Variants in ENTPD1 observed in about 807,000 individuals in gnomAD.
The protein encoded by ENTPD1 is ATP diphosphohydrolase.
ENTPD1 carries 33 observed loss-of-function variants against 57.0 expected under a neutral mutation model. That is an observed-to-expected ratio of 0.58 (90% CI 0.44 to 0.77). The LOEUF is 0.77. Ranked by LOEUF, ENTPD1 falls within the 30% of genes least tolerant of loss-of-function variation. The pLI, the probability that ENTPD1 is intolerant of heterozygous loss-of-function variation, is 0.00. For missense variants in ENTPD1, 501 were observed against 603.4 expected (o/e 0.83, Z 1.78); for synonymous variants, 202 against 218.8 (o/e 0.92, Z 0.68).
At chr10:95,825,625 T>C (rs2098372289) in intron 2 of ENTPD1, among the ~76,000 whole-genome samples, 1 of 152,252 alleles carries the variant, frequency 6.6e-6, no homozygotes, top group Non-Finnish European at 1.5e-5. Flanking sequence ...TCGCCCAGGC[T>C]GGAGTGCAGT....
chr10:95,703,250 C>A, the ENTPD1 span, among the ~76,000 whole-genome samples: 1 of 152,014 alleles, frequency 6.6e-6, no homozygotes, highest in Non-Finnish European at 1.5e-5. Flanking sequence ...ACTAACAGAC[C>A]CACACAAAGA....
intron 1 of ENTPD1, among the ~76,000 whole-genome samples, chr10:95,806,679 G>A (rs190214864): frequency 6.6e-6 from 1 of 152,108 alleles, no homozygotes; most frequent in Non-Finnish European, 1.5e-5. Context: ...TCTGGTGTAG[G>A]TGTCCTTTTT....
Position 95,743,984 on chromosome 10 carries a change from A to T in ENTPD1, c.37+31991A>T, listed in dbSNP as rs955357347. On this transcript the variant is annotated intron_variant, in intron 1 of 9. Transcript: ENST00000453258. ...CTGCTGACAGAGCAAGAAAATATAG[A>T]TGTATTTTAAACCATATATATATAT... Among the ~76,000 whole-genome samples the T allele has an allele frequency of 2.3e-5, 3 of 132,084 alleles. No homozygotes were observed. In the South Asian group the frequency reaches 7.3e-4, roughly 32 times the overall value. 86.7% of individuals were successfully genotyped at this position (132,084 alleles called of 152,430 possible).
upstream of ENTPD1, chr10:95,755,549 C>T: frequency 1.5e-6 from 1 of 672,432 alleles, no homozygotes; most frequent in South Asian, 1.9e-5. Context: ...TTCATCAATT[C>T]ATAGCCAGGC....
chr10:95,792,468 AT>A (rs1442181372), intron 1 of ENTPD1, among the ~76,000 whole-genome samples: 1 of 152,224 alleles, frequency 6.6e-6, no homozygotes, highest in Non-Finnish European at 1.5e-5. Context: ...TAGATTGGAC[AT>A]TTCAAAGTTA....
chr10:95,829,804 A>G (rs960044175), intron 2 of ENTPD1, among the ~76,000 whole-genome samples: 1 of 152,072 alleles, frequency 6.6e-6, no homozygotes, highest in African/African-American at 2.4e-5. Flanking sequence ...TCCCCAGTAT[A>G]ATAGTATTAA....
intron 1 of ENTPD1, among the ~76,000 whole-genome samples, chr10:95,784,167 C>T (rs2098169087): frequency 6.7e-6 from 1 of 148,534 alleles, no homozygotes; most frequent in Non-Finnish European, 1.5e-5. Flanking sequence ...CCAAATTACC[C>T]ATAAGATAGG....
intron 8 of ENTPD1, among the ~76,000 whole-genome samples, chr10:95,863,709 G>A (rs1009915704): frequency 2.0e-5 from 3 of 152,214 alleles, no homozygotes; most frequent in African/African-American, 7.2e-5. Flanking sequence ...ACCCACGGAA[G>A]GGAGAGAAAT....
chr10:95,799,800 T>A (rs2098241294), intron 1 of ENTPD1, among the ~76,000 whole-genome samples: 1 of 152,164 alleles, frequency 6.6e-6, no homozygotes, highest in Non-Finnish European at 1.5e-5. Flanking sequence ...CCAGCATCCG[T>A]TATTTTTTTA....
chr10:95,696,134 G>A, the ENTPD1 span, among the ~76,000 whole-genome samples: 6 of 152,072 alleles, frequency 3.9e-5, no homozygotes, highest in South Asian at 2.1e-4. Context: ...TAATGTTTCC[G>A]GATCTTTTTG....
chr10:95,788,529 A>T (rs1158953350), intron 1 of ENTPD1, among the ~76,000 whole-genome samples: 2 of 152,050 alleles, frequency 1.3e-5, no homozygotes, highest in Admixed American at 6.6e-5. Flanking sequence ...AGGCAGGAGA[A>T]TCACTTGAAC....
chr10:95,767,731 T>C (rs1484808823), intron 1 of ENTPD1, among the ~76,000 whole-genome samples: 6 of 152,144 alleles, frequency 3.9e-5, no homozygotes, highest in Non-Finnish European at 7.4e-5. Flanking sequence ...CAACTTCTCT[T>C]AAATATAGCA....
At position 95,846,988 on chromosome 10, in the gene ENTPD1, CA is replaced by C. The variant is rs11393527; in HGVS notation, c.814-447del. ...TGGGCGACAGAGCAAGACTCCATCT[CA>C]AAAAAAAAAATTATTTTTCTTGGAT... is the stretch of plus-strand genomic sequence containing the variant. On this transcript the variant is annotated intron_variant, in intron 6 of 9. Coordinates refer to ENST00000371205, the MANE Select transcript of ENTPD1 (RefSeq NM_001776.6). 6.5e-4 allele frequency among the ~76,000 whole-genome samples: 96 copies of C among 148,116 alleles called. 2 individuals are homozygous for C. The highest frequency in any genetic ancestry group is 4.5e-3 in the Admixed American group (67 of 14,996).
At chr10:95,803,004 T>C (rs1317210569) in intron 1 of ENTPD1, among the ~76,000 whole-genome samples, 2 of 152,188 alleles carry the variant, frequency 1.3e-5, no homozygotes, top group Admixed American at 1.3e-4. Context: ...GCCTCCAGCT[T>C]TGTTCTTTTT....
At chr10:95,760,811 A>ATTCTTTTTTT (rs2098055538) in intron 1 of ENTPD1, among the ~76,000 whole-genome samples, 1 of 48,406 alleles carries the variant, frequency 2.1e-5, no homozygotes, top group Non-Finnish European at 4.1e-5. Context: ...CATAGAGTTT[A>ATTCTTTTTTT]TTCTTTTTTT....
chr10:95,845,706 A>T, intron 6 of ENTPD1, 110 bp downstream of exon 6: 4 of 1,597,378 alleles, frequency 2.5e-6, no homozygotes, highest in Non-Finnish European at 3.4e-6. Flanking sequence ...TGGTTATTGT[A>T]CTTTCCAAAC....
intron 1 of ENTPD1, among the ~76,000 whole-genome samples, chr10:95,790,958 T>C (rs1306293000): frequency 6.6e-6 from 1 of 152,242 alleles, no homozygotes; most frequent in Non-Finnish European, 1.5e-5. Flanking sequence ...TTAGAAAGCA[T>C]GCTTAGCAGA....
intron 1 of ENTPD1, among the ~76,000 whole-genome samples, chr10:95,743,929 T>C (rs1208498973): frequency 6.7e-6 from 1 of 149,104 alleles, no homozygotes; most frequent in Admixed American, 6.8e-5. Context: ...TGCTTATTGC[T>C]ACTGCAGTAT....
At chr10:95,747,163 A>G (rs1191527613) in intron 1 of ENTPD1, among the ~76,000 whole-genome samples, 5 of 152,236 alleles carry the variant, frequency 3.3e-5, no homozygotes, top group African/African-American at 7.2e-5. Flanking sequence ...TGGCATCTCA[A>G]TTATAAAAAT....
Sources: gnomAD v4.1 joint callset for allele counts (sites outside exome capture counted in the v4.1 genomes callset) on GRCh38, gnomAD v4.1.1 for gene constraint, MANE v1.5 for transcripts, NCBI Gene and HGNC (gene_info 2026-07-23, HGNC 2026-07-21) for gene names.